Variants in MAGI2 observed in about 807,000 individuals in gnomAD.
MAGI2 encodes the protein membrane-associated guanylate kinase, WW and PDZ domain-containing protein 2.
MAGI2 carries 35 observed loss-of-function variants against 133.3 expected under a neutral mutation model. That is an observed-to-expected ratio of 0.26 (90% CI 0.20 to 0.35). The LOEUF is 0.35. MAGI2 is among the 10% of genes least tolerant of loss of function. The pLI is 1.00. For missense variants in MAGI2, 1,636 were observed against 1,863.4 expected (o/e 0.88, Z 2.25); for synonymous variants, 729 against 710.6 (o/e 1.03, Z -0.41).
intron 6 of MAGI2, among the ~76,000 whole-genome samples, chr7:78,382,005 C>G (rs1035944888): frequency 6.6e-6 from 1 of 152,156 alleles, no homozygotes; most frequent in Non-Finnish European, 1.5e-5. Context: ...TTATTCAATG[C>G]GTCATTATTT....
At chr7:79,346,671 G>A (rs924243898) in intron 1 of MAGI2, among the ~76,000 whole-genome samples, 5 of 151,844 alleles carry the variant, frequency 3.3e-5, no homozygotes, top group African/African-American at 1.2e-4. Context: ...CTTATGGTTT[G>A]CTGAACCCTC....
chr7:78,649,686 G>T (rs1269367392), intron 2 of MAGI2, among the ~76,000 whole-genome samples: 1 of 151,834 alleles, frequency 6.6e-6, no homozygotes, highest in African/African-American at 2.4e-5. Flanking sequence ...TTATCCCTAG[G>T]TCTATAAAGC....
chr7:78,425,902 G>C (rs1424616433), intron 6 of MAGI2, among the ~76,000 whole-genome samples: 1 of 152,110 alleles, frequency 6.6e-6, no homozygotes, highest in Non-Finnish European at 1.5e-5. Context: ...AGAACAAACT[G>C]AGCACTCTTT....
intron 6 of MAGI2, among the ~76,000 whole-genome samples, chr7:78,470,455 A>G (rs916185098): frequency 3.3e-5 from 5 of 152,104 alleles, no homozygotes; most frequent in African/African-American, 1.2e-4. Context: ...AGTGGTGGGG[A>G]TTATGAATGA....
At chr7:78,752,477 C>T (rs1330128979) in intron 2 of MAGI2, among the ~76,000 whole-genome samples, 1 of 152,118 alleles carries the variant, frequency 6.6e-6, no homozygotes, top group Admixed American at 6.5e-5. Flanking sequence ...GTGGTGTGCA[C>T]CTGTAATCCC....
At chr7:79,084,731 A>G (rs543644744) in intron 1 of MAGI2, among the ~76,000 whole-genome samples, 2 of 151,918 alleles carry the variant, frequency 1.3e-5, no homozygotes, top group South Asian at 2.1e-4. Context: ...TTGAAAATGA[A>G]TATTTGAGTC....
At chr7:78,163,933 A>G (rs1004813398) in intron 15 of MAGI2, among the ~76,000 whole-genome samples, 6 of 150,736 alleles carry the variant, frequency 4.0e-5, no homozygotes, top group African/African-American at 1.5e-4. Flanking sequence ...ATTAATTGCC[A>G]ATGTTTGTAA....
At chr7:78,630,413 C>CTTTTTTTTT (rs35696228) in intron 2 of MAGI2, among the ~76,000 whole-genome samples, 3 of 112,310 alleles carry the variant, frequency 2.7e-5, no homozygotes, top group Non-Finnish European at 5.1e-5. Context: ...TTGTGTTTAA[C>CTTTTTTTTT]TTTTTTTTTT....
At chr7:78,550,756 G>A (rs1799264668) in intron 3 of MAGI2, among the ~76,000 whole-genome samples, 1 of 147,148 alleles carries the variant, frequency 6.8e-6, no homozygotes, top group South Asian at 2.1e-4. Context: ...CCTCTGAACA[G>A]TTTTTTTTTT....
At chr7:79,346,497 T>C (rs765023079) in intron 1 of MAGI2, among the ~76,000 whole-genome samples, 3 of 151,950 alleles carry the variant, frequency 2.0e-5, no homozygotes, top group Non-Finnish European at 4.4e-5. Flanking sequence ...CTCAATCCTT[T>C]TCTAGGCACT....
At chr7:78,324,309 T>A (rs1788357339) in intron 9 of MAGI2, among the ~76,000 whole-genome samples, 1 of 151,982 alleles carries the variant, frequency 6.6e-6, no homozygotes, top group Non-Finnish European at 1.5e-5. Flanking sequence ...AGGAATCATA[T>A]GGTTCATCCA....
chr7:79,316,621 T>A (rs1245415566), intron 1 of MAGI2, among the ~76,000 whole-genome samples: 4 of 152,218 alleles, frequency 2.6e-5, no homozygotes, highest in Admixed American at 2.6e-4. Flanking sequence ...GGAAGGTCAA[T>A]AACCTTGATT....
chr7:78,194,024 T>C (rs1314333821), intron 12 of MAGI2, among the ~76,000 whole-genome samples: 3 of 152,154 alleles, frequency 2.0e-5, no homozygotes, highest in African/African-American at 4.8e-5. Flanking sequence ...GATGATAAAG[T>C]TGGAAACAAG....
chr7:78,864,097 A>G (rs966236863), intron 2 of MAGI2, among the ~76,000 whole-genome samples: 1 of 152,214 alleles, frequency 6.6e-6, no homozygotes, highest in Admixed American at 6.5e-5. Context: ...TTTTGTCTGA[A>G]TAATCTCTAC....
At chr7:79,235,966 A>C (rs1831891585) in intron 1 of MAGI2, among the ~76,000 whole-genome samples, 2 of 152,216 alleles carry the variant, frequency 1.3e-5, no homozygotes, top group African/African-American at 4.8e-5. Context: ...ATTTCTACTT[A>C]ATTTGGGAAA....
chr7:78,816,989 T>C (rs1287252600), intron 2 of MAGI2, among the ~76,000 whole-genome samples: 1 of 152,180 alleles, frequency 6.6e-6, no homozygotes, highest in Non-Finnish European at 1.5e-5. Flanking sequence ...TTGAAAATAT[T>C]CTGGAAAGGA....
intron 1 of MAGI2, among the ~76,000 whole-genome samples, chr7:79,261,771 T>C (rs11974844): frequency 0.037 from 5,598 of 152,256 alleles, 161 homozygotes; most frequent in African/African-American, 0.072. Context: ...TAAATCTTAC[T>C]ACATTAACAT....
chr7:79,192,563 GA>G (rs1448223301), intron 1 of MAGI2, among the ~76,000 whole-genome samples: 1 of 151,678 alleles, frequency 6.6e-6, no homozygotes, highest in African/African-American at 2.4e-5. Flanking sequence ...AGGCTTTTCT[GA>G]AATGATCATC....
intron 1 of MAGI2, among the ~76,000 whole-genome samples, chr7:79,041,682 A>T (rs12667054): frequency 6.6e-6 from 1 of 152,184 alleles, no homozygotes; most frequent in Non-Finnish European, 1.5e-5. Context: ...ATAAATGAAT[A>T]TAAGAGTCTA....
Sources: allele counts gnomAD v4.1 joint callset (sites outside exome capture counted in the v4.1 genomes callset), GRCh38; gene constraint gnomAD v4.1.1; transcripts MANE v1.5; gene names NCBI Gene and HGNC (gene_info 2026-07-23, HGNC 2026-07-21).